Variants in PKHD1L1 observed in about 807,000 individuals in gnomAD.
The protein encoded by PKHD1L1 is PKHD1 like 1.
PKHD1L1 carries 434 observed loss-of-function variants against 462.9 expected under a neutral mutation model. The observed-to-expected ratio is 0.94, with a 90% CI of 0.87 to 1.02. PKHD1L1 has a LOEUF of 1.02. Among genes scored for constraint, PKHD1L1 ranks in the 50% least tolerant of loss-of-function variants. The probability of loss-of-function intolerance (pLI) is 0.00; values close to 1 mark genes in which losing one functional copy is unlikely to be tolerated. For missense variants in PKHD1L1, 5,202 were observed against 5,096.1 expected (o/e 1.02, Z -0.63); for synonymous variants, 1,781 against 1,750.0 (o/e 1.02, Z -0.44).
At chr8:109,505,631 G>A (rs936448883) in intron 68 of PKHD1L1, among the ~76,000 whole-genome samples, 2 of 152,158 alleles carry the variant, frequency 1.3e-5, no homozygotes, top group Non-Finnish European at 2.9e-5. Flanking sequence ...AGTCATTGTG[G>A]CTAGTGCCTG....
chr8:109,367,247 T>C (rs1811278523), intron 2 of PKHD1L1, among the ~76,000 whole-genome samples: 1 of 152,228 alleles, frequency 6.6e-6, no homozygotes, highest in Non-Finnish European at 1.5e-5. Context: ...ACTATATTCA[T>C]GTACATCACC....
intron 76 of PKHD1L1, among the ~76,000 whole-genome samples, chr8:109,526,490 T>A (rs1386930072): frequency 1.3e-5 from 2 of 152,156 alleles, no homozygotes; most frequent in African/African-American, 4.8e-5. Flanking sequence ...TTTCCAACAG[T>A]TTTTGTCCAG....
chr8:109,485,838 C>G (rs1818496845), intron 58 of PKHD1L1, among the ~76,000 whole-genome samples: 1 of 151,914 alleles, frequency 6.6e-6, no homozygotes, highest in Non-Finnish European at 1.5e-5. Flanking sequence ...AAGAACTTCT[C>G]AAAGCAGTAC....
chr8:109,499,681 A>G (rs1379381080), intron 67 of PKHD1L1, among the ~76,000 whole-genome samples: 1 of 152,238 alleles, frequency 6.6e-6, no homozygotes, highest in Non-Finnish European at 1.5e-5. Context: ...TAGTCTTTTA[A>G]AATAACATAT....
intron 43 of PKHD1L1, among the ~76,000 whole-genome samples, 164 bp from the exon 44 acceptor site, chr8:109,454,003 T>C (rs1305851233): frequency 1.3e-5 from 2 of 152,134 alleles, no homozygotes; most frequent in Non-Finnish European, 2.9e-5. Flanking sequence ...GCCAAAGAAC[T>C]GAAGTGAAGT....
chr8:109,460,261 G>A (rs1031532637), intron 47 of PKHD1L1, among the ~76,000 whole-genome samples: 2 of 152,070 alleles, frequency 1.3e-5, no homozygotes, highest in African/African-American at 2.4e-5. Flanking sequence ...ATATTTGATA[G>A]TGATACAAAG....
chr8:109,528,428 A>G (rs1279511073), intron 77 of PKHD1L1, among the ~76,000 whole-genome samples: 3 of 152,198 alleles, frequency 2.0e-5, no homozygotes, highest in South Asian at 2.1e-4. Context: ...ACATGCAAAA[A>G]ATATAATCAA....
At chr8:109,510,020 T>C (rs910646334) in intron 70 of PKHD1L1, among the ~76,000 whole-genome samples, 1 of 152,128 alleles carries the variant, frequency 6.6e-6, no homozygotes, top group Non-Finnish European at 1.5e-5. Context: ...TGGATTCAGG[T>C]AGAAAAGCAT....
chr8:109,441,154 A>C (rs1442276450), intron 33 of PKHD1L1, 121 bp from the exon 34 acceptor site: 1 of 714,986 alleles, frequency 1.4e-6, no homozygotes. Context: ...CCTGCTATAT[A>C]AGGCAGAGTT....
intron 18 of PKHD1L1, among the ~76,000 whole-genome samples, chr8:109,408,601 A>G (rs1198086660): frequency 2.0e-5 from 3 of 152,194 alleles, no homozygotes; most frequent in Non-Finnish European, 4.4e-5. Flanking sequence ...GTTAGTTTAA[A>G]TATCCTATTA....
chr8:109,465,264 T>C lies in PKHD1L1; in HGVS notation c.8413+19T>C, dbSNP rs1563575894. On this transcript the variant is annotated intron_variant, in intron 49 of 77. Transcript: ENST00000378402. Reference sequence around the variant, plus strand: ...CTTACAGGTAATGTTATTTTTTAATTTGTGATAAAAATCCATTGGAAATAT... The same window carrying C: ...CTTACAGGTAATGTTATTTTTTAATCTGTGATAAAAATCCATTGGAAATAT... The C allele has an allele frequency of 1.9e-6, 3 of 1,596,286 alleles. No homozygotes were observed. The highest frequency in any genetic ancestry group is 2.2e-5 in the East Asian group (1 of 44,728).
intron 48 of PKHD1L1, 70 bp downstream of exon 48, chr8:109,461,978 T>G: frequency 6.7e-7 from 1 of 1,483,204 alleles, no homozygotes; most frequent in East Asian, 2.5e-5. Flanking sequence ...TGTGTTGAAC[T>G]CCTGCTGTTT....
intron 2 of PKHD1L1, among the ~76,000 whole-genome samples, chr8:109,374,039 T>G (rs1420687969): frequency 2.6e-5 from 4 of 152,178 alleles, no homozygotes. Context: ...CAGAGCTGAG[T>G]TCAATTCCTG....
chr8:109,456,857 G>C (rs1017696571), intron 46 of PKHD1L1, among the ~76,000 whole-genome samples: 1 of 152,088 alleles, frequency 6.6e-6, no homozygotes, highest in African/African-American at 2.4e-5. Context: ...TTAGCAAATG[G>C]TTCCCACTGA....
chr8:109,373,679 T>C, intron 2 of PKHD1L1, among the ~76,000 whole-genome samples: 1 of 152,252 alleles, frequency 6.6e-6, no homozygotes, highest in Non-Finnish European at 1.5e-5. Context: ...GCTTTGAATG[T>C]GTCCCAGAGA....
At chr8:109,474,625 C>T (rs895766049) in intron 50 of PKHD1L1, among the ~76,000 whole-genome samples, 1 of 152,042 alleles carries the variant, frequency 6.6e-6, no homozygotes, top group Non-Finnish European at 1.5e-5. Context: ...ATTAGCTCAA[C>T]AGACATAGAA....
intron 2 of PKHD1L1, among the ~76,000 whole-genome samples, chr8:109,378,546 G>A (rs1811952065): frequency 6.6e-6 from 1 of 152,158 alleles, no homozygotes; most frequent in African/African-American, 2.4e-5. Flanking sequence ...TGCTACCTCT[G>A]AAAAACTTCC....
chr8:109,443,557 C>A, intron 36 of PKHD1L1, 119 bp from the exon 37 acceptor site: 1 of 841,408 alleles, frequency 1.2e-6, no homozygotes, highest in Non-Finnish European at 1.8e-6. Context: ...TTTTGTTTTT[C>A]AAAAAAGATT....
intron 11 of PKHD1L1, among the ~76,000 whole-genome samples, chr8:109,398,105 A>G (rs1309722399): frequency 6.6e-6 from 1 of 152,078 alleles, no homozygotes; most frequent in Non-Finnish European, 1.5e-5. Flanking sequence ...TCTGAATGAC[A>G]TGGGTTTATT....
Sources: allele counts gnomAD v4.1 joint callset (sites outside exome capture counted in the v4.1 genomes callset), GRCh38; gene constraint gnomAD v4.1.1; transcripts MANE v1.5; gene names NCBI Gene and HGNC (gene_info 2026-07-23, HGNC 2026-07-21).